Variants in IRF2 observed in about 807,000 individuals in gnomAD.
IRF2 encodes interferon regulatory factor 2.
Under a neutral mutation model 40.6 loss-of-function variants are expected in IRF2, and 15 were observed. The observed-to-expected ratio is 0.37, with a 90% CI of 0.25 to 0.57. The LOEUF (loss-of-function observed/expected upper bound fraction) is 0.57. IRF2 is among the 20% of genes least tolerant of loss of function. The probability of loss-of-function intolerance (pLI) is 0.77; values close to 1 mark genes in which losing one functional copy is unlikely to be tolerated. For synonymous variants in IRF2, 151 were observed against 165.5 expected (o/e 0.91, Z 0.67); for missense variants, 317 against 455.7 (o/e 0.70, Z 2.77).
At chr4:184,467,096 C>T (rs1427286877) in intron 1 of IRF2, among the ~76,000 whole-genome samples, 2 of 152,182 alleles carry the variant, frequency 1.3e-5, no homozygotes, top group Non-Finnish European at 2.9e-5. Flanking sequence ...ATAATGTCAG[C>T]AGCTGCCTAG....
rs529907718 is a variant in IRF2 at position 184,433,418 on chromosome 4, G to A, written c.-6-4348C>T. ...ATTCTGATAGACTCCTCCACTGGTC[G>A]GCGTGCCGGGCTTGTCATCCACCGG... On this transcript the variant is annotated intron_variant, in intron 1 of 8. Coordinates refer to ENST00000393593, the MANE Select transcript of IRF2 (RefSeq NM_002199.4). 1.5e-4 allele frequency among the ~76,000 whole-genome samples: 23 copies of A among 152,228 alleles called. No individual in the cohort carries two copies. In the South Asian group the frequency reaches 2.5e-3, roughly 16 times the overall value.
At chr4:184,438,833 C>T (rs1738184944) in intron 1 of IRF2, among the ~76,000 whole-genome samples, 1 of 152,176 alleles carries the variant, frequency 6.6e-6, no homozygotes, top group Non-Finnish European at 1.5e-5. Flanking sequence ...GCAAAGATAA[C>T]AGGACCCCCT....
Position 184,413,599 on chromosome 4 carries a change from C to CT in IRF2, c.411+4567_411+4568insA. Among the ~76,000 whole-genome samples the CT allele has an allele frequency of 6.6e-6, 1 of 152,306 alleles. No homozygotes were observed. Among genetic ancestry groups the CT allele is most frequent in the Non-Finnish European group, 1.5e-5 (1 of 68,026 alleles). ...AGCTCTATGAGAAAGAGCAGCCGAA[C>CT]CCCTATCTGCTTTTCTGTAACTTCT... On this transcript the variant is annotated intron_variant, in intron 5 of 8. Coordinates refer to ENST00000393593, the MANE Select transcript of IRF2 (RefSeq NM_002199.4). The surrounding 1 kb of genome is among the most constrained non-coding windows in gnomAD (Gnocchi z 4.2).
intron 1 of IRF2, among the ~76,000 whole-genome samples, chr4:184,441,459 G>A (rs747155975): frequency 7.2e-5 from 11 of 152,162 alleles, no homozygotes; most frequent in Non-Finnish European, 1.0e-4. Context: ...TGACACCCCT[G>A]TAATGTTCCT....
chr4:184,413,271 C>T lies in IRF2; in HGVS notation c.411+4896G>A, dbSNP rs1195355530. On this transcript the variant is annotated intron_variant, in intron 5 of 8. Coordinates refer to ENST00000393593, the MANE Select transcript of IRF2 (RefSeq NM_002199.4). The surrounding 1 kb of genome is among the most constrained non-coding windows in gnomAD (Gnocchi z 4.2). ...TGCTCTAAGTGTGCTACAAGGAGTT[C>T]AACTGTGTCTCATTCCGTAAAACTG... Among the ~76,000 whole-genome samples, 2 of 152,182 alleles carry T rather than the reference C, an allele frequency of 1.3e-5. No homozygotes were observed. Among genetic ancestry groups the T allele is most frequent in the African/African-American group, 4.8e-5 (2 of 41,450 alleles).
At chr4:184,406,190 T>A (rs1245966932) in intron 6 of IRF2, among the ~76,000 whole-genome samples, 1 of 151,448 alleles carries the variant, frequency 6.6e-6, no homozygotes, top group Non-Finnish European at 1.5e-5. Context: ...TCCTAAGAGG[T>A]GGTGCCTTCC....
chr4:184,467,492 C>G (rs1181893368), intron 1 of IRF2, among the ~76,000 whole-genome samples: 2 of 152,148 alleles, frequency 1.3e-5, no homozygotes, highest in African/African-American at 4.8e-5. Flanking sequence ...TCCAATAGAT[C>G]TAGGGTAAAA....
chr4:184,459,282 G>GAAAAA (rs920707087), intron 1 of IRF2, among the ~76,000 whole-genome samples: 3 of 151,574 alleles, frequency 2.0e-5, no homozygotes, highest in Non-Finnish European at 4.4e-5. Context: ...AAATACAACA[G>GAAAAA]AAAAAAAATA....
At chr4:184,412,196 G>A (rs1737103416) in intron 5 of IRF2, among the ~76,000 whole-genome samples, 1 of 152,104 alleles carries the variant, frequency 6.6e-6, no homozygotes, top group Admixed American at 6.6e-5. Flanking sequence ...AGAATCCAAG[G>A]TTTGGTCTCT....
At chr4:184,428,907 T>G in intron 2 of IRF2, 71 bp downstream of exon 2, 1 of 1,199,328 alleles carries the variant, frequency 8.3e-7, no homozygotes, top group Non-Finnish European at 1.2e-6. Context: ...ACGATTTTAC[T>G]TTCAGCAGTC....
At chr4:184,421,951 A>G (rs1046720380) in intron 2 of IRF2, among the ~76,000 whole-genome samples, 1 of 152,156 alleles carries the variant, frequency 6.6e-6, no homozygotes, top group African/African-American at 2.4e-5. Flanking sequence ...TGTTTGGGTC[A>G]TGGGGCAGGA....
chr4:184,430,946 T>G (rs996451019), intron 1 of IRF2, among the ~76,000 whole-genome samples: 1 of 152,214 alleles, frequency 6.6e-6, no homozygotes. Flanking sequence ...TCCTCCCACC[T>G]TGACCTCCCA....
chr4:184,411,638 A>T lies in IRF2; in HGVS notation c.412-3363T>A, dbSNP rs1288787766. 5.9e-5 allele frequency among the ~76,000 whole-genome samples: 9 copies of T among 152,274 alleles called. No homozygotes were observed. In the East Asian group the frequency reaches 1.5e-3, roughly 26 times the overall value. On this transcript the variant is annotated intron_variant, in intron 5 of 8. Transcript: ENST00000393593. ...TGCAGAACAGGCCCAGGAGAGAAGG[A>T]TCTTCACTAAACTGGGTCACAATTT...
intron 8 of IRF2, among the ~76,000 whole-genome samples, 157 bp from the exon 9 acceptor site, chr4:184,389,223 C>T (rs1284169039): frequency 2.0e-5 from 3 of 152,112 alleles, no homozygotes; most frequent in Non-Finnish European, 4.4e-5. Context: ...AGTTTGAGAC[C>T]AGCCTGGGCA....
chr4:184,403,873 A>C (rs781217534), intron 6 of IRF2, among the ~76,000 whole-genome samples: 1 of 152,188 alleles, frequency 6.6e-6, no homozygotes, highest in Admixed American at 6.5e-5. Context: ...AAGTTTCTCC[A>C]GTTTATTAAA....
intron 1 of IRF2, among the ~76,000 whole-genome samples, chr4:184,436,796 T>C (rs1738096030): frequency 6.6e-6 from 1 of 152,218 alleles, no homozygotes; most frequent in African/African-American, 2.4e-5. Flanking sequence ...GAGTCACTGG[T>C]GTGTGAGAAG....
intron 1 of IRF2, among the ~76,000 whole-genome samples, chr4:184,455,477 A>G (rs1738890753): frequency 6.6e-6 from 1 of 151,122 alleles, no homozygotes; most frequent in South Asian, 2.1e-4. Context: ...CAAAGCTTAC[A>G]GCTTCAGGTA....
intron 2 of IRF2, among the ~76,000 whole-genome samples, chr4:184,426,436 G>A (rs1737677255): frequency 6.6e-6 from 1 of 152,100 alleles, no homozygotes; most frequent in African/African-American, 2.4e-5. Context: ...TCTCCTCTGT[G>A]TGTGCCTTCT....
intron 1 of IRF2, among the ~76,000 whole-genome samples, chr4:184,456,562 C>T (rs1327066127): frequency 6.6e-6 from 1 of 152,240 alleles, no homozygotes; most frequent in African/African-American, 2.4e-5. Flanking sequence ...GGGTCCCTGC[C>T]GACTGAGCGG....
Sources: allele counts gnomAD v4.1 joint callset (sites outside exome capture counted in the v4.1 genomes callset), GRCh38; gene constraint gnomAD v4.1.1; non-coding constraint Gnocchi (gnomAD v3.1); transcripts MANE v1.5; gene names NCBI Gene and HGNC (gene_info 2026-07-23, HGNC 2026-07-21).